Variants in FARP1 observed in about 807,000 individuals in gnomAD.
FARP1 encodes the protein FERM, ARHGEF and pleckstrin domain-containing protein 1.
Under a neutral mutation model 128.8 loss-of-function variants are expected in FARP1, and 52 were observed. That is an observed-to-expected ratio of 0.40 (90% CI 0.32 to 0.51). The LOEUF (loss-of-function observed/expected upper bound fraction) is 0.51. Among genes scored for constraint, FARP1 ranks in the 20% least tolerant of loss-of-function variants. The pLI, the probability that FARP1 is intolerant of heterozygous loss-of-function variation, is 0.45. For synonymous variants in FARP1, 580 were observed against 551.8 expected, an observed-to-expected ratio of 1.05 and a Z score of -0.72; for missense variants, 1,333 against 1,367.9, an observed-to-expected ratio of 0.97 and a Z score of 0.40.
At chr13:98,287,208 CTTTTTTTTTTTTTTTTTTTTTTTT>C (rs71111939) in intron 2 of FARP1, among the ~76,000 whole-genome samples, 10 of 75,842 alleles carry the variant, frequency 1.3e-4, no homozygotes, top group East Asian at 3.6e-4. Context: ...TCAGACATGT[CTTTTTTTTTTTTTTTTTTTTTTTT>C]TTTTTTTTTT....
intron 1 of FARP1, among the ~76,000 whole-genome samples, chr13:98,202,560 C>T (rs1408448542): frequency 6.6e-6 from 1 of 152,108 alleles, no homozygotes; most frequent in Non-Finnish European, 1.5e-5. Flanking sequence ...TCTTCATCTA[C>T]CCGGCTTGAT....
intron 3 of FARP1, among the ~76,000 whole-genome samples, chr13:98,357,979 A>G (rs1363147018): frequency 2.6e-5 from 4 of 152,080 alleles, no homozygotes; most frequent in Admixed American, 2.6e-4. Flanking sequence ...CCAAGGCCCC[A>G]GGAATCATGA....
At chr13:98,441,571 A>G (rs1185084787) in intron 24 of FARP1, among the ~76,000 whole-genome samples, 2 of 152,172 alleles carry the variant, frequency 1.3e-5, no homozygotes, top group East Asian at 3.8e-4. Context: ...GCTCCGGGGT[A>G]TGGTGCGGGA....
chr13:98,258,323 C>T (rs1024940564), intron 2 of FARP1, among the ~76,000 whole-genome samples: 5 of 152,210 alleles, frequency 3.3e-5, no homozygotes, highest in Non-Finnish European at 7.4e-5. Context: ...ATAAATAGAA[C>T]ATGAGAAGGA....
intron 16 of FARP1, among the ~76,000 whole-genome samples, 175 bp downstream of exon 16, chr13:98,412,209 T>C (rs1453694145): frequency 6.6e-6 from 1 of 152,234 alleles, no homozygotes; most frequent in Non-Finnish European, 1.5e-5. Context: ...TCAGATCTCA[T>C]TTGCAGTTTC....
intron 2 of FARP1, among the ~76,000 whole-genome samples, chr13:98,285,990 C>T (rs986451156): frequency 1.4e-4 from 22 of 152,242 alleles, no homozygotes; most frequent in Admixed American, 3.3e-4. Context: ...CTATGTATGC[C>T]GCTTCCTCTT....
rs766256030 is a variant in FARP1, at chr13:98,409,509, A to T, written c.1586A>T (p.Asp529Val). 3 of 1,611,936 alleles carry T rather than the reference A, an allele frequency of 1.9e-6. No individual in the cohort carries two copies. The highest frequency in any genetic ancestry group is 2.5e-6 in the Non-Finnish European group (3 of 1,178,818). The change falls in exon 14 of 27, where the codon GAT (aspartate) becomes GTT (valine). Residue 529 changes from aspartate to valine, a missense_variant. Physicochemically the swap from Asp to Val is radical, Grantham distance 152. Transcript: ENST00000319562. ...DQACPRTDDE[D>V]EGRRKRFPTD... ...GCCTGCCCCCGGACGGACGATGAGG[A>T]TGAGGGCCGGAGGAAGGTACAGGGC... is the stretch of plus-strand genomic sequence containing the variant.
At chr13:98,227,330 A>G (rs1256002443) in intron 2 of FARP1, among the ~76,000 whole-genome samples, 2 of 152,124 alleles carry the variant, frequency 1.3e-5, no homozygotes, top group African/African-American at 4.8e-5. Flanking sequence ...TGTCTTCACC[A>G]TTATCCTAGC....
intron 19 of FARP1, chr13:98,437,944 T>G (rs1221128831): frequency 9.1e-7 from 1 of 1,098,950 alleles, no homozygotes. Context: ...CATCCACTCA[T>G]TGTTTCAAAT....
chr13:98,161,459 C>T (rs1437535599), intron 1 of FARP1, among the ~76,000 whole-genome samples: 2 of 151,986 alleles, frequency 1.3e-5, no homozygotes, highest in Admixed American at 6.6e-5. Flanking sequence ...TCAAAAGATC[C>T]GCCCGCCTCG....
At position 98,395,292 on chromosome 13, in the gene FARP1, G is replaced by T; in HGVS notation, c.1230G>T (p.Arg410=). 1 of 1,609,308 alleles carries T rather than the reference G, an allele frequency of 6.2e-7. No individual in the cohort carries two copies. The highest frequency in any genetic ancestry group is 8.5e-7 in the Non-Finnish European group (1 of 1,176,414). ...GAESPGGQSC[R]RGKEPKVSAG... ...AATCTCCAGGGGGCCAGAGCTGCCG[G>T]CGAGGAAAGGAACCGAAGGTTTCCG... Residue 410 remains arginine (R), a synonymous_variant, in exon 13 of 27, where the codon CGG becomes CGT. Coordinates refer to ENST00000319562, the MANE Select transcript of FARP1 (RefSeq NM_005766.4).
upstream of FARP1, among the ~76,000 whole-genome samples, chr13:98,142,944 G>A (rs2139053694): frequency 6.6e-6 from 1 of 150,626 alleles, no homozygotes. Flanking sequence ...CTGCCCGGGC[G>A]GAGCGGAGCG....
chr13:98,439,409 G>A (rs1262047484), intron 21 of FARP1, among the ~76,000 whole-genome samples: 1 of 152,222 alleles, frequency 6.6e-6, no homozygotes, highest in Non-Finnish European at 1.5e-5. Context: ...CTCTAGTGGG[G>A]CTCTGGGGAC....
At chr13:98,204,796 C>G (rs1387951739) in intron 1 of FARP1, among the ~76,000 whole-genome samples, 1 of 152,060 alleles carries the variant, frequency 6.6e-6, no homozygotes, top group Non-Finnish European at 1.5e-5. Flanking sequence ...TTTGTGCATA[C>G]TAACTGGTGG....
intron 3 of FARP1, among the ~76,000 whole-genome samples, chr13:98,364,886 C>T (rs76411468): frequency 0.013 from 2,052 of 152,296 alleles, 45 homozygotes; most frequent in African/African-American, 0.047. Flanking sequence ...TCCTGGGTAA[C>T]AAGAATCCCT....
chr13:98,351,637 AAG>A (rs898781203), intron 3 of FARP1, among the ~76,000 whole-genome samples: 1 of 152,026 alleles, frequency 6.6e-6, no homozygotes, highest in Non-Finnish European at 1.5e-5. Context: ...GAAAGAAAAA[AAG>A]AAAAGAGGTT....
intron 2 of FARP1, among the ~76,000 whole-genome samples, chr13:98,261,732 C>T (rs1466849320): frequency 6.6e-6 from 1 of 152,142 alleles, no homozygotes; most frequent in African/African-American, 2.4e-5. Flanking sequence ...AGAAGCAAGG[C>T]ATGCTTCGAA....
At position 98,282,770 on chromosome 13, in the gene FARP1, A is replaced by G. The variant is rs1487095923; in HGVS notation, c.172-60992A>G. ...ATACAAAAATTAGCTGGTGTGCGGC[A>G]CGTGCCTGTAGTCCCAGCTACTCAG... is the stretch of plus-strand genomic sequence containing the variant. On this transcript the variant is annotated intron_variant, in intron 2 of 26. Coordinates refer to ENST00000319562, the MANE Select transcript of FARP1 (RefSeq NM_005766.4). Among the ~76,000 whole-genome samples the G allele has an allele frequency of 4.6e-5, 7 of 152,250 alleles. No homozygotes were observed. In the South Asian group the frequency reaches 1.2e-3, roughly 27 times the overall value.
chr13:98,429,811 G>A (rs1483465428), intron 17 of FARP1, among the ~76,000 whole-genome samples: 9 of 152,238 alleles, frequency 5.9e-5, no homozygotes, highest in Middle Eastern at 3.4e-3. Flanking sequence ...CTCTGACTTG[G>A]GCTACTCGCC....
Sources: gnomAD v4.1 joint callset for allele counts (sites outside exome capture counted in the v4.1 genomes callset) on GRCh38, gnomAD v4.1.1 for gene constraint, MANE v1.5 for transcripts, NCBI Gene and HGNC (gene_info 2026-07-23, HGNC 2026-07-21) for gene names.